Variants in SLC37A2 observed in about 807,000 individuals in gnomAD.
SLC37A2 encodes solute carrier family 37 member 2.
Under a neutral mutation model 70.7 loss-of-function variants are expected in SLC37A2, and 59 were observed. The observed-to-expected ratio is 0.83, with a 90% CI of 0.68 to 1.04. SLC37A2 has a LOEUF of 1.04. Among genes scored for constraint, SLC37A2 ranks in the 50% least tolerant of loss-of-function variants. The pLI, the probability that SLC37A2 is intolerant of heterozygous loss-of-function variation, is 0.00. For synonymous variants in SLC37A2, 257 were observed against 262.1 expected, an observed-to-expected ratio of 0.98 and a Z score of 0.19; for missense variants, 580 against 658.1, an observed-to-expected ratio of 0.88 and a Z score of 1.30.
rs982136201 is a variant in SLC37A2, at chr11:125,088,033, G to A, written c.1491-86G>A. 9.7e-6 allele frequency: 14 copies of A among 1,449,178 alleles called. No homozygotes were observed. In the African/African-American group the frequency reaches 1.6e-4, roughly 16 times the overall value. The allele number at this position is 1,449,178 out of a possible 1,614,324, so 89.8% of individuals were successfully genotyped here. On this transcript the variant is annotated intron_variant, in intron 17 of 17. Coordinates refer to ENST00000403796, the MANE Select transcript of SLC37A2 (RefSeq NM_001145290.2). ...TGAAAGCAATGATGAAGGGACCCTG[G>A]GACCCTGCCTTTCCTCTCCCTACTC...
intron 1 of SLC37A2, among the ~76,000 whole-genome samples, chr11:125,071,717 T>G (rs1949030685): frequency 6.6e-6 from 1 of 152,296 alleles, no homozygotes; most frequent in African/African-American, 2.4e-5. Context: ...GGGAGAGCTT[T>G]GCGCCTCCCA....
At chr11:125,081,378 G>A in intron 7 of SLC37A2, 43 bp from the exon 8 acceptor site, 3 of 1,580,416 alleles carry the variant, frequency 1.9e-6, no homozygotes, top group East Asian at 2.3e-5. Context: ...GATTGGGGGG[G>A]CGGGGGTTGG....
In SLC37A2 at chr11:125,082,333, GGGT is replaced by G; in HGVS notation, c.976_976+2del. 2.5e-6 allele frequency: 4 copies of G among 1,613,794 alleles called. No individual in the cohort carries two copies. Among genetic ancestry groups the G allele is most frequent in the Non-Finnish European group, 3.4e-6 (4 of 1,179,782 alleles). ...GGCTGCCCCTCTACATCGCCAATGTGGGTAAGTCCAAGAGAAGGGGAATGAAGG... is the reference window on the plus strand; with the variant it reads ...GGCTGCCCCTCTACATCGCCAATGTGAAGTCCAAGAGAAGGGGAATGAAGG... On this transcript the variant is annotated splice_donor_variant and coding_sequence_variant, in exon 10 of 18. Transcript: ENST00000403796. LOFTEE classifies it high-confidence loss of function.
At chr11:125,071,853 A>C (rs866041658) in intron 1 of SLC37A2, among the ~76,000 whole-genome samples, 1 of 64,398 alleles carries the variant, frequency 1.6e-5, no homozygotes, top group Non-Finnish European at 4.0e-5. Flanking sequence ...CTTGTGGGGG[A>C]GGGGGGGTGG....
At chr11:125,074,409 G>C (rs1362098814) in intron 1 of SLC37A2, among the ~76,000 whole-genome samples, 1 of 152,006 alleles carries the variant, frequency 6.6e-6, no homozygotes, top group Non-Finnish European at 1.5e-5. Context: ...ATGGTGCCTG[G>C]TACAGGATGG....
chr11:125,084,136 A>T, intron 11 of SLC37A2, 98 bp from the exon 12 acceptor site: 1 of 1,364,686 alleles, frequency 7.3e-7, no homozygotes, highest in Non-Finnish European at 1.0e-6. Flanking sequence ...GTTCTTGCTG[A>T]CAGGCCCAGG....
Position 125,079,140 on chromosome 11 carries a change from C to A in SLC37A2, c.343C>A (p.Arg115Ser). The A allele has an allele frequency of 6.2e-7, 1 of 1,614,208 alleles. No individual in the cohort carries two copies. The highest frequency in any genetic ancestry group is 8.5e-7 in the Non-Finnish European group (1 of 1,180,026). ...GGTTTTTGGGGAGCGGCTTCCGCTC[C>A]GTTACTACCTCTCAGCTGGAATGCT... ...SGVFGERLPLRYYLSAGMLLS... is the reference protein window; with the variant it reads ...SGVFGERLPLSYYLSAGMLLS... The change falls in exon 5 of 18, where the codon CGT becomes AGT. Residue 115 changes from arginine to serine, a missense_variant. By Grantham distance (110) the Arg-to-Ser change is moderately radical (BLOSUM62 -1). Coordinates refer to ENST00000403796, the MANE Select transcript of SLC37A2 (RefSeq NM_001145290.2).
chr11:125,067,294 C>T (rs1228898962), intron 1 of SLC37A2, among the ~76,000 whole-genome samples: 2 of 152,122 alleles, frequency 1.3e-5, no homozygotes, highest in East Asian at 3.8e-4. Context: ...GCCCAGCCTC[C>T]AGTAACATTT....
chr11:125,064,211 G>A (rs932895217), intron 1 of SLC37A2, among the ~76,000 whole-genome samples: 2 of 152,060 alleles, frequency 1.3e-5, no homozygotes, highest in Non-Finnish European at 2.9e-5. Context: ...AATAGACGAC[G>A]TGGACCGGGC....
intron 17 of SLC37A2, chr11:125,086,540 T>A (rs1013844055): frequency 2.3e-6 from 1 of 437,494 alleles, no homozygotes; most frequent in Non-Finnish European, 4.2e-6. Flanking sequence ...AGTTTCCCTC[T>A]GAGCTGCGAC....
chr11:125,085,769 C>A, intron 16 of SLC37A2, 95 bp downstream of exon 16: 1 of 1,414,072 alleles, frequency 7.1e-7, no homozygotes, highest in Non-Finnish European at 9.9e-7. Flanking sequence ...ATTTGGGGTT[C>A]TGGGGCAATG....
intron 1 of SLC37A2, among the ~76,000 whole-genome samples, chr11:125,075,235 G>C (rs544875080): frequency 6.6e-6 from 1 of 152,324 alleles, no homozygotes; most frequent in East Asian, 1.9e-4. Context: ...TTTGCAGAAG[G>C]CCAGCTGGGC....
chr11:125,080,523 C>T lies in SLC37A2; in HGVS notation c.528-91C>T. 7.9e-7 allele frequency: 1 copy of T among 1,260,930 alleles called. No individual in the cohort carries two copies. The highest frequency in any genetic ancestry group is 2.8e-5 in the East Asian group (1 of 35,526). The allele number at this position is 1,260,930 out of a possible 1,614,324, so 78.1% of individuals were successfully genotyped here. On this transcript the variant is annotated intron_variant, in intron 6 of 17. Transcript: ENST00000403796. The surrounding 1 kb of genome is among the most constrained non-coding windows in gnomAD (Gnocchi z 4.3). ...TGCCTCGGGGAAGCTGTAGTCAGCC[C>T]AGCTTTAGAGCTTGGCTGGGGCAGT...
In SLC37A2 at chr11:125,084,884, G is replaced by A; in HGVS notation, c.1174+11G>A. On this transcript the variant is annotated intron_variant, in intron 13 of 17. Coordinates refer to ENST00000403796, the MANE Select transcript of SLC37A2 (RefSeq NM_001145290.2). ...TTGCCAGCTCCATAGGTGAGGAGGA[G>A]GTTGCAAGTCCTGCCAGGCCAGGGG... The A allele has an allele frequency of 6.2e-7, 1 of 1,613,566 alleles. No individual in the cohort carries two copies. Among genetic ancestry groups the A allele is most frequent in the South Asian group, 1.1e-5 (1 of 90,904 alleles).
chr11:125,086,486 T>C (rs1350810349), intron 17 of SLC37A2: 1 of 557,860 alleles, frequency 1.8e-6, no homozygotes, highest in African/African-American at 1.9e-5. Flanking sequence ...TGTGAGAACT[T>C]TGGACATGCC....
At chr11:125,075,893 G>A (rs752014921) in intron 1 of SLC37A2, among the ~76,000 whole-genome samples, 2 of 152,202 alleles carry the variant, frequency 1.3e-5, no homozygotes, top group East Asian at 1.9e-4. Context: ...CCTGGGTCTC[G>A]CCTAACTCCT....
intron 5 of SLC37A2, 38 bp downstream of exon 5, chr11:125,079,285 G>T: frequency 6.2e-7 from 1 of 1,612,862 alleles, no homozygotes; most frequent in Middle Eastern, 1.8e-4. Context: ...CTGTGTTGCC[G>T]TCTCGGGAAG....
At chr11:125,076,726 C>G (rs1464356330) in intron 1 of SLC37A2, 31 bp from the exon 2 acceptor site, 1 of 1,610,478 alleles carries the variant, frequency 6.2e-7, no homozygotes, top group East Asian at 2.2e-5. Context: ...GGCTGACTTC[C>G]CACTAACGCA....
chr11:125,083,462 G>A lies in SLC37A2; in HGVS notation c.977-353G>A, dbSNP rs1949170889. Reference sequence around the variant, plus strand: ...AGTTCCTAGTGCTGCTAGGGCCGGAGTGAAGCAGAGAAAGGGCTGGGCTGA... The same window carrying A: ...AGTTCCTAGTGCTGCTAGGGCCGGAATGAAGCAGAGAAAGGGCTGGGCTGA... On this transcript the variant is annotated intron_variant, in intron 10 of 17. Coordinates refer to ENST00000403796, the MANE Select transcript of SLC37A2 (RefSeq NM_001145290.2). The surrounding 1 kb of genome is among the most constrained non-coding windows in gnomAD (Gnocchi z 4.6). 4.1e-6 allele frequency: 1 copy of A among 245,778 alleles called. No homozygotes were observed. The highest frequency in any genetic ancestry group is 8.0e-6 in the Non-Finnish European group (1 of 124,998). 15.2% of individuals were successfully genotyped at this position (245,778 alleles called of 1,614,324 possible). A position where few individuals can be genotyped will look rare whatever the true frequency, so the allele number is the denominator to read the frequency against.
Sources: gnomAD v4.1 joint callset for allele counts (sites outside exome capture counted in the v4.1 genomes callset) on GRCh38, gnomAD v4.1.1 for gene constraint, Gnocchi (gnomAD v3.1) non-coding constraint, MANE v1.5 for transcripts, NCBI Gene and HGNC (gene_info 2026-07-23, HGNC 2026-07-21) for gene names.